Variants in GRIP1 observed in about 807,000 individuals in gnomAD.
GRIP1 encodes glutamate receptor-interacting protein 1.
A neutral mutation model predicts 129.9 loss-of-function variants in GRIP1; 45 were observed. The observed-to-expected ratio is 0.35, with a 90% CI of 0.27 to 0.44. The LOEUF (loss-of-function observed/expected upper bound fraction) is 0.44. GRIP1 is among the 20% of genes least tolerant of loss of function. GRIP1 has a pLI of 1.00. For synonymous variants in GRIP1, 530 were observed against 520.8 expected (o/e 1.02, Z -0.24); for missense variants, 1,196 against 1,396.8 (o/e 0.86, Z 2.29).
Position 66,955,979 on chromosome 12 carries a change from G to C in GRIP1, c.58+113071C>G, listed in dbSNP as rs373707071. Among the ~76,000 whole-genome samples, 6 of 152,302 alleles carry C rather than the reference G, an allele frequency of 3.9e-5. No homozygotes were observed. The East Asian group carries it at 1.2e-3, about 29-fold the overall frequency. On this transcript the variant is annotated intron_variant, in intron 1 of 1. Transcript: ENST00000643019. ...TTAAAACCTATTTATTTTAAAATAA[G>C]TTTGGATTTACAAGAGTTAGTTGTG...
intron 2 of GRIP1, among the ~76,000 whole-genome samples, chr12:66,591,649 A>G (rs1394520455): frequency 6.6e-6 from 1 of 151,818 alleles, no homozygotes; most frequent in African/African-American, 2.4e-5. Context: ...TTACTTTTTG[A>G]GAGGGGCTCT....
At chr12:66,919,146 A>G (rs917544105) in intron 1 of GRIP1, among the ~76,000 whole-genome samples, 1 of 152,202 alleles carries the variant, frequency 6.6e-6, no homozygotes, top group Non-Finnish European at 1.5e-5. Flanking sequence ...CCATAGTCCA[A>G]TAAGAAGGAA....
Position 66,353,575 on chromosome 12 carries a change from A to G in GRIP1, c.3013-12T>C. On this transcript the variant is annotated splice_polypyrimidine_tract_variant and intron_variant, in intron 23 of 24. Coordinates refer to ENST00000359742, the MANE Select transcript of GRIP1 (RefSeq NM_001366722.1). ...TTGTACAAGGTCACCTGAAGAGAGA[A>G]AATGGGATGTGAATATTTAGCTGGG... 6.2e-7 allele frequency: 1 copy of G among 1,613,482 alleles called. No homozygotes were observed. Among genetic ancestry groups the G allele is most frequent in the Admixed American group, 1.7e-5 (1 of 60,030 alleles).
intron 1 of GRIP1, among the ~76,000 whole-genome samples, chr12:66,696,163 C>T (rs1565973027): frequency 6.6e-6 from 1 of 152,000 alleles, no homozygotes; most frequent in African/African-American, 2.4e-5. Context: ...ACTCATAACA[C>T]TTACCAGCTG....
At chr12:66,707,006 T>C in intron 1 of GRIP1, among the ~76,000 whole-genome samples, 1 of 150,544 alleles carries the variant, frequency 6.6e-6, no homozygotes, top group South Asian at 2.1e-4. Flanking sequence ...AATAAAGGAA[T>C]AAAAAGAAAA....
chr12:66,409,604 A>G (rs1192055826), intron 15 of GRIP1, among the ~76,000 whole-genome samples: 2 of 152,236 alleles, frequency 1.3e-5, no homozygotes, highest in South Asian at 4.1e-4. Context: ...AGACTATAAT[A>G]AATACTTAAC....
chr12:66,777,600 C>T (rs2038021993), intron 1 of GRIP1, among the ~76,000 whole-genome samples: 1 of 152,146 alleles, frequency 6.6e-6, no homozygotes, highest in East Asian at 1.9e-4. Context: ...TTGAACAGTT[C>T]TGTTTACTGA....
rs368202630 is a variant in GRIP1 at position 66,932,568 on chromosome 12, C to T, written c.58+136482G>A. Among the ~76,000 whole-genome samples the T allele has an allele frequency of 2.1e-4, 31 of 150,536 alleles. No individual in the cohort carries two copies. In the East Asian group the frequency reaches 5.7e-3, roughly 27 times the overall value. Reference sequence around the variant, plus strand: ...TGGACATCAACCCTGAATTGAGTCTCTTAGTCAAGTGAGCAGAAGGATAGG... The same window carrying T: ...TGGACATCAACCCTGAATTGAGTCTTTTAGTCAAGTGAGCAGAAGGATAGG... On this transcript the variant is annotated intron_variant, in intron 1 of 1. Coordinates refer to the GRIP1 transcript ENST00000643019.
intron 1 of GRIP1, among the ~76,000 whole-genome samples, chr12:66,841,369 A>G (rs1774122602): frequency 6.6e-6 from 1 of 152,186 alleles, no homozygotes; most frequent in African/African-American, 2.4e-5. Context: ...ATAAAAGATG[A>G]TATGTGCTAG....
chr12:66,848,712 T>A (rs1017894786), intron 1 of GRIP1, among the ~76,000 whole-genome samples: 2 of 152,182 alleles, frequency 1.3e-5, no homozygotes, highest in African/African-American at 2.4e-5. Flanking sequence ...ACTTTTAAAA[T>A]TCATTTCAAA....
At chr12:66,972,861 G>A (rs2042093931) in intron 1 of GRIP1, among the ~76,000 whole-genome samples, 1 of 152,152 alleles carries the variant, frequency 6.6e-6, no homozygotes, top group Non-Finnish European at 1.5e-5. Context: ...TTGTGTATTT[G>A]CACATTATTT....
intron 1 of GRIP1, among the ~76,000 whole-genome samples, chr12:66,971,996 G>A (rs1379372903): frequency 6.6e-6 from 1 of 152,098 alleles, no homozygotes; most frequent in Non-Finnish European, 1.5e-5. Flanking sequence ...GAAATGTGTT[G>A]CTCAACAAGA....
At chr12:66,431,419 C>A (rs779178008) in intron 14 of GRIP1, among the ~76,000 whole-genome samples, 4 of 152,106 alleles carry the variant, frequency 2.6e-5, no homozygotes, top group African/African-American at 9.7e-5. Context: ...TTTTGAATTG[C>A]AGTACCGTTC....
chr12:66,605,106 G>A (rs912552271), intron 1 of GRIP1, among the ~76,000 whole-genome samples: 1 of 150,226 alleles, frequency 6.7e-6, no homozygotes, highest in Non-Finnish European at 1.5e-5. Context: ...GTAAATTTAG[G>A]GGAAAATTTA....
chr12:66,738,401 T>C (rs940461047), intron 1 of GRIP1, among the ~76,000 whole-genome samples: 9 of 151,920 alleles, frequency 5.9e-5, no homozygotes, highest in African/African-American at 1.9e-4. Context: ...TTGTATTTTT[T>C]TAGTAGAGAC....
At chr12:67,000,315 T>C (rs2042533527) in intron 1 of GRIP1, among the ~76,000 whole-genome samples, 1 of 152,072 alleles carries the variant, frequency 6.6e-6, no homozygotes, top group African/African-American at 2.4e-5. Flanking sequence ...ACCATGTTTC[T>C]ATGAAACAGA....
At chr12:66,503,549 G>A (rs1240922864) in intron 7 of GRIP1, among the ~76,000 whole-genome samples, 1 of 152,138 alleles carries the variant, frequency 6.6e-6, no homozygotes, top group African/African-American at 2.4e-5. Context: ...CTCCTGCTCC[G>A]AAAGCTTGCC....
At chr12:66,455,601 A>G in intron 10 of GRIP1, 37 bp from the exon 11 acceptor site, 1 of 1,598,484 alleles carries the variant, frequency 6.3e-7, no homozygotes, top group East Asian at 2.2e-5. Context: ...GAGCACTCTC[A>G]GGTGAGGTGT....
chr12:66,441,315 T>G (rs889201104), intron 13 of GRIP1, among the ~76,000 whole-genome samples: 1 of 152,228 alleles, frequency 6.6e-6, no homozygotes, highest in African/African-American at 2.4e-5. Flanking sequence ...CTTCATCGCC[T>G]TTGCTCACAC....
Sources: allele counts gnomAD v4.1 joint callset (sites outside exome capture counted in the v4.1 genomes callset), GRCh38; gene constraint gnomAD v4.1.1; transcripts MANE v1.5; gene names NCBI Gene and HGNC (gene_info 2026-07-23, HGNC 2026-07-21).